Variants in HPSE2 observed in about 807,000 individuals in gnomAD.
The protein encoded by HPSE2 is heparanase 2 (inactive).
HPSE2 carries 38 observed loss-of-function variants against 60.5 expected under a neutral mutation model. The observed-to-expected ratio is 0.63, with a 90% CI of 0.48 to 0.82. The LOEUF (loss-of-function observed/expected upper bound fraction) is 0.82. Ranked by LOEUF, HPSE2 falls within the 40% of genes least tolerant of loss-of-function variation. The pLI is 0.00. For synonymous variants in HPSE2, 295 were observed against 293.2 expected, an observed-to-expected ratio of 1.01 and a Z score of -0.06; for missense variants, 713 against 740.4, an observed-to-expected ratio of 0.96 and a Z score of 0.43.
chr10:98,720,276 A>G (rs1411504975), intron 5 of HPSE2, among the ~76,000 whole-genome samples: 1 of 152,118 alleles, frequency 6.6e-6, no homozygotes, highest in East Asian at 1.9e-4. Flanking sequence ...TGGTTATTGC[A>G]TTACTAACCA....
At chr10:98,537,188 G>C (rs2133814189) in intron 9 of HPSE2, among the ~76,000 whole-genome samples, 1 of 152,286 alleles carries the variant, frequency 6.6e-6, no homozygotes, top group South Asian at 2.1e-4. Flanking sequence ...CGTTAGAGAA[G>C]ATTCAAACTT....
At chr10:99,088,419 T>A (rs1163113894) in intron 3 of HPSE2, among the ~76,000 whole-genome samples, 1 of 152,194 alleles carries the variant, frequency 6.6e-6, no homozygotes, top group Non-Finnish European at 1.5e-5. Context: ...CCTTTGCATC[T>A]CATAGCTTAG....
intron 3 of HPSE2, among the ~76,000 whole-genome samples, chr10:99,011,015 CA>C (rs11351347): frequency 0.76 from 115,379 of 151,922 alleles, 44,183 homozygotes; most frequent in East Asian, 0.86. Context: ...TCCCACCCTT[CA>C]ACCCCTCTGT....
intron 6 of HPSE2, among the ~76,000 whole-genome samples, chr10:98,684,286 A>G (rs1479392304): frequency 1.3e-5 from 2 of 152,186 alleles, no homozygotes; most frequent in Non-Finnish European, 2.9e-5. Flanking sequence ...TGGCTCCAGG[A>G]GCAGATATCT....
intron 3 of HPSE2, among the ~76,000 whole-genome samples, chr10:99,120,879 C>G (rs1844925535): frequency 6.6e-6 from 1 of 152,128 alleles, no homozygotes; most frequent in Non-Finnish European, 1.5e-5. Flanking sequence ...TTAGTTCAAC[C>G]ATTGAGGAAA....
intron 2 of HPSE2, among the ~76,000 whole-genome samples, chr10:99,188,026 C>G (rs141591206): frequency 6.6e-6 from 1 of 152,252 alleles, no homozygotes; most frequent in Non-Finnish European, 1.5e-5. Context: ...GTATAGTAAG[C>G]AAATTCATAT....
At position 98,459,543 on chromosome 10, in the gene HPSE2, G is replaced by A; in HGVS notation, c.*31C>T. On this transcript the variant is annotated 3_prime_UTR_variant, in exon 12 of 12. Coordinates refer to ENST00000370552, the MANE Select transcript of HPSE2 (RefSeq NM_021828.5). ...TGGAGGAGTGGAAGCAGCCCAGCAG[G>A]CCCACTGGTAGCCGTGAGTGTGAGG... 6.2e-7 allele frequency: 1 copy of A among 1,612,284 alleles called. No individual in the cohort carries two copies. Among genetic ancestry groups the A allele is most frequent in the Non-Finnish European group, 8.5e-7 (1 of 1,178,358 alleles).
At chr10:99,122,184 T>G (rs918964736) in intron 3 of HPSE2, among the ~76,000 whole-genome samples, 55 of 152,060 alleles carry the variant, frequency 3.6e-4, no homozygotes, top group African/African-American at 1.3e-3. Context: ...ATAACAGAAG[T>G]TATCCTACTT....
At chr10:98,790,459 T>A (rs1440686943) in intron 3 of HPSE2, among the ~76,000 whole-genome samples, 1 of 152,016 alleles carries the variant, frequency 6.6e-6, no homozygotes, top group Non-Finnish European at 1.5e-5. Flanking sequence ...AGAAACAAAT[T>A]AGAAAGGAGG....
At chr10:98,879,243 C>T (rs1952954826) in intron 3 of HPSE2, among the ~76,000 whole-genome samples, 1 of 151,926 alleles carries the variant, frequency 6.6e-6, no homozygotes, top group African/African-American at 2.4e-5. Flanking sequence ...CCTGTCACAC[C>T]ATGGTACATG....
At chr10:98,603,393 G>A (rs1251566738) in intron 9 of HPSE2, among the ~76,000 whole-genome samples, 8 of 151,612 alleles carry the variant, frequency 5.3e-5, no homozygotes, top group Non-Finnish European at 1.2e-4. Flanking sequence ...GTAGGGGTAA[G>A]GGGAAAGGAA....
intron 3 of HPSE2, among the ~76,000 whole-genome samples, chr10:98,809,484 C>T (rs1249787502): frequency 1.3e-5 from 2 of 151,854 alleles, no homozygotes; most frequent in Non-Finnish European, 2.9e-5. Context: ...AATAATGCTC[C>T]ATTTTGGGTT....
At chr10:99,228,228 T>C (rs1400781454) in intron 2 of HPSE2, among the ~76,000 whole-genome samples, 2 of 152,072 alleles carry the variant, frequency 1.3e-5, no homozygotes, top group East Asian at 1.9e-4. Context: ...AAAAGGTATA[T>C]GGAAACACAG....
At chr10:98,657,785 C>T (rs11189738) in intron 6 of HPSE2, among the ~76,000 whole-genome samples, 91,811 of 152,086 alleles carry the variant, frequency 0.6, 31,585 homozygotes, top group Non-Finnish European at 0.79. Flanking sequence ...TAACTTTAGT[C>T]TGCTGTAAAT....
chr10:98,738,448 A>G (rs1252896261), intron 4 of HPSE2, among the ~76,000 whole-genome samples: 1 of 152,224 alleles, frequency 6.6e-6, no homozygotes, highest in Non-Finnish European at 1.5e-5. Context: ...ACCAAAATCA[A>G]TTGCAACAAA....
chr10:99,301,063 C>T, the HPSE2 span, among the ~76,000 whole-genome samples: 44 of 152,282 alleles, frequency 2.9e-4, no homozygotes, highest in Non-Finnish European at 4.4e-4. Context: ...AATATTGACC[C>T]AAGTCCCTGA....
chr10:99,056,155 A>T (rs1238251695), intron 3 of HPSE2, among the ~76,000 whole-genome samples: 1 of 152,150 alleles, frequency 6.6e-6, no homozygotes, highest in Non-Finnish European at 1.5e-5. Context: ...TAAAAGAACA[A>T]TATGGAACTA....
intron 3 of HPSE2, among the ~76,000 whole-genome samples, chr10:98,917,044 T>C (rs1954138691): frequency 6.6e-6 from 1 of 152,184 alleles, no homozygotes; most frequent in Non-Finnish European, 1.5e-5. Context: ...CATGGGGACT[T>C]GGCAACTATT....
At chr10:98,540,425 C>CTTTAGG (rs1467349367) in intron 9 of HPSE2, among the ~76,000 whole-genome samples, 13 of 151,930 alleles carry the variant, frequency 8.6e-5, no homozygotes, top group Admixed American at 2.6e-4. Flanking sequence ...TGACCGTGAC[C>CTTTAGG]GTCGTAGGAC....
Sources: allele counts gnomAD v4.1 joint callset (sites outside exome capture counted in the v4.1 genomes callset), GRCh38; gene constraint gnomAD v4.1.1; transcripts MANE v1.5; gene names NCBI Gene and HGNC (gene_info 2026-07-23, HGNC 2026-07-21).